The following TTN variants were observed in gnomAD, a reference collection of about 807,000 sequenced individuals.
The protein encoded by TTN is titin, also known as connectin.
Under a neutral mutation model 3,223.0 loss-of-function variants are expected in TTN, and 1,525 were observed. The observed-to-expected ratio is 0.47, with a 90% confidence interval of 0.45 to 0.49. TTN has a LOEUF of 0.49. Among genes scored for constraint, TTN ranks in the 20% least tolerant of loss-of-function variants. The pLI, the probability that TTN is intolerant of heterozygous loss-of-function variation, is 0.00. For synonymous variants in TTN, 14,094 were observed against 15,161.0 expected, an observed-to-expected ratio of 0.93 and a Z score of 5.17; for missense variants, 40,786 against 43,424.0, an observed-to-expected ratio of 0.94 and a Z score of 5.40.
In TTN at chr2:178,567,422, G is replaced by A. The variant is rs1706305589; in HGVS notation, c.78710C>T (p.Ser26237Phe). The A allele has an allele frequency of 6.2e-7, 1 of 1,607,788 alleles. No homozygotes were observed. The highest frequency in any genetic ancestry group is 8.5e-7 in the Non-Finnish European group (1 of 1,177,410). Residue 26237 changes from serine to phenylalanine, a missense_variant, in exon 326 of 363, where the codon TCT becomes TTT. Ser to Phe is a radical substitution (Grantham distance 155). Transcript: ENST00000589042. Reference protein sequence around the residue: ...WLRGDKEIEESARCEIKNTDF... With the variant: ...WLRGDKEIEEFARCEIKNTDF... ...TGTGTTCTTTATTTCACATCTAGCA[G>A]ATTCTTCAATTTCCTTATCTCCTCT... is the stretch of plus-strand genomic sequence containing the variant.
rs79926414 is a variant in TTN at position 178,565,497 on chromosome 2, G to A, written c.80635C>T (p.Gln26879Ter). The A allele has an allele frequency of 6.2e-7, 1 of 1,613,334 alleles. No homozygotes were observed. The highest frequency in any genetic ancestry group is 8.5e-7 in the Non-Finnish European group (1 of 1,179,572). The change falls in exon 326 of 363, where the codon CAG becomes TAG. Residue 26879 changes from glutamine to a stop codon, truncating the protein, a stop_gained. Transcript: ENST00000589042. LOFTEE classifies it high-confidence loss of function. ...TTAAATGGTAACTTTAAACTAGGCT[G>A]TATAGTCAAGTCCTTGGCTATGACA... ...VPVIAKDLTI[Q>*]PSLKLPFNTY...
chr2:178,692,663 T>A, intron 119 of TTN, 83 bp from the exon 120 acceptor site: 1 of 1,061,008 alleles, frequency 9.4e-7, no homozygotes, highest in Non-Finnish European at 1.3e-6. Context: ...TAAATAGAGA[T>A]TCCCTTTTTA....
chr2:178,719,497 T>C (rs2078014396), intron 82 of TTN, 46 bp from the exon 83 acceptor site: 2 of 1,590,840 alleles, frequency 1.3e-6, no homozygotes, highest in Non-Finnish European at 8.6e-7. Flanking sequence ...AGTTTTATTC[T>C]GTGCCCCTCC....
chr2:178,751,769 A>G (rs1399070789), intron 47 of TTN: 1 of 1,613,164 alleles, frequency 6.2e-7, no homozygotes, highest in Non-Finnish European at 8.5e-7. Flanking sequence ...ACCTGTTGGG[A>G]TGGGCCGATT....
Position 178,747,309 on chromosome 2 carries a change from G to A in TTN, c.11312-5388C>T, listed in dbSNP as rs182100836. On this transcript the variant is annotated intron_variant, in intron 47 of 362. Coordinates refer to ENST00000589042, the MANE Select transcript of TTN (RefSeq NM_001267550.2). ...TATCTTTCAGCAACTTCCCCTAAAG[G>A]TGTGGAATATCTTTCAACTGTCTCA... 4.5e-5 allele frequency: 72 copies of A among 1,613,318 alleles called. No homozygotes were observed. Among genetic ancestry groups the A allele is most frequent in the Non-Finnish European group, 5.8e-5 (69 of 1,179,600 alleles).
chr2:178,582,279 C>G lies in TTN; in HGVS notation c.66160+17G>C. ...TTTTAAAAAATAAAATGAAAAACCA[C>G]CGGGAAATGTTCCTACCATATGGGT... On this transcript the variant is annotated intron_variant, in intron 314 of 362. Transcript: ENST00000589042. 6.3e-7 allele frequency: 1 copy of G among 1,577,368 alleles called. No individual in the cohort carries two copies. The highest frequency in any genetic ancestry group is 8.6e-7 in the Non-Finnish European group (1 of 1,168,052).
At chr2:178,789,548 A>G (rs779674121) in intron 12 of TTN, 51 bp from the exon 13 acceptor site, 4 of 1,608,594 alleles carry the variant, frequency 2.5e-6, no homozygotes, top group African/African-American at 2.7e-5. Flanking sequence ...CTTCAAACAC[A>G]CATAGTATGA....
chr2:178,571,920 G>T lies in TTN; in HGVS notation c.74212C>A (p.Pro24738Thr). Residue 24738 changes from proline to threonine, a missense_variant, in exon 326 of 363, where the codon CCA becomes ACA. Coordinates refer to ENST00000589042, the MANE Select transcript of TTN (RefSeq NM_001267550.2). ...GCTGGGGTAGGGCGGCCAATGAATG[G>T]AACATCAACTTTTAGGTCTTCACCT... ...LAGEDLKVDV[P>T]FIGRPTPAVT... is the part of the protein sequence containing the mutation. The T allele has an allele frequency of 6.2e-7, 1 of 1,613,228 alleles. No individual in the cohort carries two copies.
In TTN at chr2:178,557,107, C is replaced by A. The variant is rs748102856; in HGVS notation, c.88047G>T (p.Lys29349Asn). Residue 29349 changes from lysine to asparagine, a missense_variant, in exon 330 of 363, where the codon AAG becomes AAT. Lys to Asn is a moderately conservative substitution (Grantham distance 94). Transcript: ENST00000589042. ...GTTGCCATGAAAGGCTGACAGAGTTCTTTGAAATATCAGTGATACGAACAT... is the reference window on the plus strand; with the variant it reads ...GTTGCCATGAAAGGCTGACAGAGTTATTTGAAATATCAGTGATACGAACAT... ...PRNVRITDIS[K>N]NSVSLSWQQP... 2 of 1,613,682 alleles carry A rather than the reference C, an allele frequency of 1.2e-6. No individual in the cohort carries two copies. Among genetic ancestry groups the A allele is most frequent in the African/African-American group, 1.3e-5 (1 of 75,058 alleles).
chr2:178,788,287 C>T (rs1005045648), intron 13 of TTN, among the ~76,000 whole-genome samples: 8 of 152,026 alleles, frequency 5.3e-5, no homozygotes, highest in Admixed American at 3.9e-4. Context: ...GTAACTACTA[C>T]TTCAGGTATA....
Position 178,565,454 on chromosome 2 carries a change from G to C in TTN, c.80678C>G (p.Ala26893Gly), listed in dbSNP as rs1273776382. The C allele has an allele frequency of 1.2e-6, 2 of 1,613,192 alleles. No homozygotes were observed. Among genetic ancestry groups the C allele is most frequent in the Non-Finnish European group, 8.5e-7 (1 of 1,179,608 alleles). The change falls in exon 326 of 363, where the codon GCT (alanine) becomes GGT (glycine). Residue 26893 changes from alanine (A) to glycine (G), a missense_variant. By Grantham distance (60) the Ala-to-Gly change is moderately conservative (BLOSUM62 0). Transcript: ENST00000589042. ...AATTTCTATTTTAAGATCTTCTCCAGCTTGGATACTATATGTGTTAAATGG... is the reference window on the plus strand; with the variant it reads ...AATTTCTATTTTAAGATCTTCTCCACCTTGGATACTATATGTGTTAAATGG... Reference protein sequence around the residue: ...KLPFNTYSIQAGEDLKIEIPV... With the variant: ...KLPFNTYSIQGGEDLKIEIPV...
rs769369764 is a variant in TTN at position 178,528,671 on chromosome 2, G to C, written c.107080C>G (p.Leu35694Val). 71 of 1,613,324 alleles carry C rather than the reference G, an allele frequency of 4.4e-5. No homozygotes were observed. The East Asian group carries it at 1.2e-3, about 27-fold the overall frequency. The change falls in exon 360 of 363, where the codon CTG (leucine) becomes GTG (valine). Residue 35694 changes from leucine to valine, a missense_variant. By Grantham distance (32) the Leu-to-Val change is conservative. Transcript: ENST00000589042. ...GGAGCATCTGAGAGTTCTTTGCTCA[G>C]TGTCAAATCATACTGACACTTGACG... ...GIVKCQYDLTLSKELSDAPAF... is the reference protein window; with the variant it reads ...GIVKCQYDLTVSKELSDAPAF...
At position 178,556,887 on chromosome 2, in the gene TTN, A is replaced by G. The variant is rs1701723735; in HGVS notation, c.88267T>C (p.Ser29423Pro). 6.2e-7 allele frequency: 1 copy of G among 1,613,722 alleles called. No individual in the cohort carries two copies. The highest frequency in any genetic ancestry group is 1.3e-5 in the African/African-American group (1 of 74,936). Residue 29423 changes from serine (S) to proline (P), a missense_variant, in exon 330 of 363, where the codon TCT becomes CCT. Physicochemically the swap from Ser to Pro is moderately conservative, Grantham distance 74. Coordinates refer to ENST00000589042, the MANE Select transcript of TTN (RefSeq NM_001267550.2). ...CAAGTAATGGGCCCTACAACCTCAG[A>G]TGGATTGCTAATGGAACCAACAGCA... ...RNAVGSISNP[S>P]EVVGPITCID... is the part of the protein sequence containing the mutation.
In TTN at chr2:178,564,351, T is replaced by C; in HGVS notation, c.81781A>G (p.Ser27261Gly). 1 of 1,613,740 alleles carries C rather than the reference T, an allele frequency of 6.2e-7. No individual in the cohort carries two copies. Among genetic ancestry groups the C allele is most frequent in the Non-Finnish European group, 8.5e-7 (1 of 1,179,758 alleles). ...TCATCTCTTGCAGTAATGGCACCAC[T>C]ACTATCAGATGGTTCACTAAAGTTT... ...AGNFSEPSDS[S>G]GAITARDEID... The change falls in exon 326 of 363, where the codon AGT (serine) becomes GGT (glycine). Residue 27261 changes from serine (S) to glycine (G), a missense_variant. Ser to Gly is a moderately conservative substitution (Grantham distance 56). Transcript: ENST00000589042.
chr2:178,588,574 A>G lies in TTN; in HGVS notation c.63151T>C (p.Leu21051=), dbSNP rs2154183195. 6.5e-7 allele frequency: 1 copy of G among 1,545,058 alleles called. No homozygotes were observed. Among genetic ancestry groups the G allele is most frequent in the Non-Finnish European group, 8.7e-7 (1 of 1,148,914 alleles). The part of the protein sequence containing the change: ...ENEIGIGEPS[L]PSRPVVAKDP... ...TTTGCCACCACCGGTCTTGAAGGCA[A>G]GCTTGGTTCTCCAATTCCAATTTCA... Residue 21051 remains leucine (L), a synonymous_variant, in exon 304 of 363, where the codon TTG becomes CTG. Coordinates refer to ENST00000589042, the MANE Select transcript of TTN (RefSeq NM_001267550.2).
rs2057015875 is a variant in TTN, at chr2:178,614,847, CT to C, written c.48759del (p.Glu16254ArgfsTer9). 6.4e-7 allele frequency: 1 copy of C among 1,571,192 alleles called. No individual in the cohort carries two copies. Among genetic ancestry groups the C allele is most frequent in the Non-Finnish European group, 8.6e-7 (1 of 1,157,016 alleles). On this transcript the variant is annotated frameshift_variant and splice_region_variant, in exon 260 of 363. Coordinates refer to ENST00000589042, the MANE Select transcript of TTN (RefSeq NM_001267550.2). LOFTEE classifies it high-confidence loss of function. ...PTEEIQAVDT[Q>X]EAPEIFLDVK... ...TAAGACAAAAATCAAAAATAGATAC[CT>C]TGTGTGTCCACAGCCTGGATTTCCT...
chr2:178,548,360 C>T lies in TTN; in HGVS notation c.93266G>A (p.Arg31089His), dbSNP rs367993101. The T allele has an allele frequency of 1.8e-5, 29 of 1,613,684 alleles. No individual in the cohort carries two copies. The highest frequency in any genetic ancestry group is 1.8e-4 in the South Asian group (16 of 91,072). The part of the protein sequence containing the change: ...DLAEGVPYYF[R>H]VSAVNEYGVG... Reference sequence around the variant, plus strand: ...ACCATACTCATTTACTGCAGAAACACGGAAATAGTACGGAACACCTTCGGC... The same window carrying T: ...ACCATACTCATTTACTGCAGAAACATGGAAATAGTACGGAACACCTTCGGC... The change falls in exon 339 of 363, where the codon CGT becomes CAT. Residue 31089 changes from arginine to histidine, a missense_variant. Arg to His is a conservative substitution (Grantham distance 29). Coordinates refer to ENST00000589042, the MANE Select transcript of TTN (RefSeq NM_001267550.2). This position sits in a 1 kb window ranked among gnomAD's most constrained non-coding sequence, Gnocchi z 4.3.
At chr2:178,749,422 G>A (rs757090311) in intron 47 of TTN, 6 of 1,613,078 alleles carry the variant, frequency 3.7e-6, no homozygotes, top group Non-Finnish European at 2.5e-6. Flanking sequence ...TAGAAGGTAT[G>A]CAACGCACCT....
chr2:178,682,738 C>G lies in TTN; in HGVS notation c.33053G>C (p.Arg11018Pro), dbSNP rs72650034. ...ATGCTCTTCATATCGTTCATACTCC[C>G]GCTCCTCGTATTCTTCATATTGGTC... ...EYDQYEEYEE[R>P]EYERYEEHEE... Residue 11018 changes from arginine to proline, a missense_variant, in exon 135 of 363, where the codon CGG (arginine) becomes CCG (proline). Physicochemically the swap from Arg to Pro is moderately radical, Grantham distance 103 (BLOSUM62 -2). Coordinates refer to ENST00000589042, the MANE Select transcript of TTN (RefSeq NM_001267550.2). 5.0e-6 allele frequency: 8 copies of G among 1,612,752 alleles called. 2 individuals carry two copies. The South Asian group carries it at 6.6e-5, about 13-fold the overall frequency.
Sources: gnomAD v4.1 joint callset for allele counts (sites outside exome capture counted in the v4.1 genomes callset) on GRCh38, gnomAD v4.1.1 for gene constraint, Gnocchi (gnomAD v3.1) non-coding constraint, MANE v1.5 for transcripts, NCBI Gene and HGNC (gene_info 2026-07-23, HGNC 2026-07-21) for gene names.